Variants in DSC3 observed in about 807,000 individuals in gnomAD.
DSC3 encodes desmocollin 3.
A neutral mutation model predicts 89.5 loss-of-function variants in DSC3; 97 were observed. The ratio of observed to expected loss-of-function variants is 1.08; its 90% CI spans 0.92 to 1.28. The LOEUF is 1.28. DSC3 is among the 50% of genes most tolerant of loss of function. DSC3 has a pLI of 0.00. For missense variants in DSC3, 1,199 were observed against 1,085.3 expected (o/e 1.10, Z -1.47); for synonymous variants, 436 against 384.1 (o/e 1.14, Z -1.58).
intron 13 of DSC3, among the ~76,000 whole-genome samples, chr18:31,002,890 A>T (rs749845871): frequency 1.3e-5 from 2 of 152,160 alleles, no homozygotes; most frequent in Non-Finnish European, 2.9e-5. Flanking sequence ...AAAGCTTGAC[A>T]TATATACTAT....
chr18:31,041,933 C>G (rs577241940), intron 1 of DSC3, among the ~76,000 whole-genome samples: 1 of 152,226 alleles, frequency 6.6e-6, no homozygotes, highest in East Asian at 1.9e-4. Flanking sequence ...ACAACACGAC[C>G]CCAACCCCCA....
rs1984340498 is a variant in DSC3, at chr18:30,993,397, A to C, written c.*778T>G. ...AAGTTTAATTTATTTACAATTTTAA[A>C]CAAATTACACAAATTGGACAGGAAC... is the stretch of plus-strand genomic sequence containing the variant. On this transcript the variant is annotated 3_prime_UTR_variant, in exon 16 of 16. Transcript: ENST00000360428. The C allele has an allele frequency of 6.6e-6, 1 of 152,206 alleles. No individual in the cohort carries two copies. The highest frequency in any genetic ancestry group is 1.5e-5 in the Non-Finnish European group (1 of 68,038). The allele number at this position is 152,206 out of a possible 1,614,324, so 9.4% of individuals were successfully genotyped here. A position where few individuals can be genotyped will look rare whatever the true frequency, so the allele number is the denominator to read the frequency against.
intron 11 of DSC3, 127 bp from the exon 12 acceptor site, chr18:31,007,258 A>C (rs542475688): frequency 5.5e-4 from 374 of 680,670 alleles, no homozygotes; most frequent in Non-Finnish European, 2.2e-4. Flanking sequence ...AGGAAATGAT[A>C]AATAAATAAG....
chr18:31,040,234 T>C (rs752450780), intron 1 of DSC3, among the ~76,000 whole-genome samples: 1 of 152,120 alleles, frequency 6.6e-6, no homozygotes, highest in African/African-American at 2.4e-5. Context: ...AATGATGGAT[T>C]AGCCGTGTCC....
intron 4 of DSC3, among the ~76,000 whole-genome samples, chr18:31,028,746 T>C (rs1985682358): frequency 6.6e-6 from 1 of 152,162 alleles, no homozygotes; most frequent in Non-Finnish European, 1.5e-5. Flanking sequence ...TCTATTACCT[T>C]AATGAGAAAA....
rs1984288116 is a variant in DSC3 at position 30,992,237 on chromosome 18, G to A, written c.*1938C>T. On this transcript the variant is annotated 3_prime_UTR_variant, in exon 16 of 16. Transcript: ENST00000360428. ...ACACATAGATTTTAGGGTCAAATTAGAAAACAGAAAATGTAGGAATAAATC... is the reference window on the plus strand; with the variant it reads ...ACACATAGATTTTAGGGTCAAATTAAAAAACAGAAAATGTAGGAATAAATC... The A allele has an allele frequency of 6.8e-6, 1 of 147,296 alleles. No homozygotes were observed. Among genetic ancestry groups the A allele is most frequent in the Non-Finnish European group, 1.5e-5 (1 of 66,792 alleles). 9.1% of individuals were successfully genotyped at this position (147,296 alleles called of 1,614,324 possible).
chr18:31,042,364 C>CTT, intron 1 of DSC3, among the ~76,000 whole-genome samples: 1 of 152,334 alleles, frequency 6.6e-6, no homozygotes, highest in Middle Eastern at 3.4e-3. Flanking sequence ...TTCCAACAAT[C>CTT]GAACACCTTG....
At position 31,021,951 on chromosome 18, in the gene DSC3, T is replaced by A. The variant is rs1278726168; in HGVS notation, c.942+385A>T. 2.0e-5 allele frequency among the ~76,000 whole-genome samples: 3 copies of A among 152,072 alleles called. No homozygotes were observed. In the East Asian group the frequency reaches 5.8e-4, roughly 29 times the overall value. On this transcript the variant is annotated intron_variant, in intron 7 of 15. Transcript: ENST00000360428. ...CAACTAATCCTTTCCTCACTAAAAG[T>A]ATATATATCTATAATAATTAAAGTA...
At position 30,990,689 on chromosome 18, in the gene DSC3, T is replaced by C. The variant is rs771423314; in HGVS notation, c.*3486A>G. On this transcript the variant is annotated 3_prime_UTR_variant, in exon 16 of 16. Coordinates refer to ENST00000360428, the MANE Select transcript of DSC3 (RefSeq NM_001941.5). ...GCAGAATCAAGACTGCAATATCGCC[T>C]GCTTTTCTTTTTAACTCATGTTTTC... 5 of 152,204 alleles carry C rather than the reference T, an allele frequency of 3.3e-5. No individual in the cohort carries two copies. Among genetic ancestry groups the C allele is most frequent in the South Asian group, 2.1e-4 (1 of 4,828 alleles). 9.4% of individuals were successfully genotyped at this position (152,204 alleles called of 1,614,324 possible). A position where few individuals can be genotyped will look rare whatever the true frequency, so the allele number is the denominator to read the frequency against.
At chr18:31,000,718 T>C (rs1252401483) in intron 14 of DSC3, among the ~76,000 whole-genome samples, 3 of 152,120 alleles carry the variant, frequency 2.0e-5, no homozygotes, top group Non-Finnish European at 4.4e-5. Context: ...TTAGCTATTC[T>C]CACCGTCTCT....
chr18:31,023,508 A>T (rs1171106202), intron 6 of DSC3, among the ~76,000 whole-genome samples: 5 of 152,306 alleles, frequency 3.3e-5, no homozygotes, highest in African/African-American at 9.6e-5. Context: ...TAATTTTTTT[A>T]AATTTTTAAA....
At chr18:31,016,279 CT>C (rs760399131) in intron 9 of DSC3, among the ~76,000 whole-genome samples, 2 of 152,180 alleles carry the variant, frequency 1.3e-5, no homozygotes, top group Non-Finnish European at 2.9e-5. Flanking sequence ...CACCATTTTC[CT>C]TTGTCTGTTG....
intron 9 of DSC3, among the ~76,000 whole-genome samples, chr18:31,012,407 A>G (rs1383967399): frequency 1.3e-5 from 2 of 152,236 alleles, no homozygotes; most frequent in African/African-American, 4.8e-5. Context: ...AGCCAGAAGG[A>G]GAACAGCTCA....
chr18:31,004,276 G>T lies in DSC3; in HGVS notation c.1979C>A (p.Ala660Glu). The change falls in exon 13 of 16, where the codon GCA (alanine) becomes GAA (glutamate). Residue 660 changes from alanine to glutamate, a missense_variant. Transcript: ENST00000360428. Reference protein sequence around the residue: ...ITVKDRAGQAATKLLRVNLCE... With the variant: ...ITVKDRAGQAETKLLRVNLCE... ...CAGATTAACTCTCAATAATTTTGTT[G>T]CAGCTTGGCCGGCCCTGTCTTTTAC... The T allele has an allele frequency of 6.2e-7, 1 of 1,613,980 alleles. No individual in the cohort carries two copies. The highest frequency in any genetic ancestry group is 1.7e-4 in the Middle Eastern group (1 of 6,060).
rs767619555 is a variant in DSC3, at chr18:31,025,858, C to T, written c.532G>A (p.Val178Ile). Residue 178 changes from valine to isoleucine, a missense_variant, in exon 5 of 16, where the codon GTT becomes ATT. Physicochemically the swap from Val to Ile is conservative, Grantham distance 29. Coordinates refer to ENST00000360428, the MANE Select transcript of DSC3 (RefSeq NM_001941.5). ...TVFYSISGRG[V>I]DKEPLNLFYI... is the part of the protein sequence containing the mutation. ...AACAAATTTAAAGGTTCTTTATCAA[C>T]TCCACGTCCACTTATTGAGTAGAAG... 9 of 1,613,040 alleles carry T rather than the reference C, an allele frequency of 5.6e-6. No individual in the cohort carries two copies. Among genetic ancestry groups the T allele is most frequent in the Non-Finnish European group, 7.6e-6 (9 of 1,179,394 alleles).
intron 9 of DSC3, among the ~76,000 whole-genome samples, chr18:31,017,310 G>T (rs938730781): frequency 2.0e-5 from 3 of 152,034 alleles, no homozygotes; most frequent in African/African-American, 7.2e-5. Flanking sequence ...TACTGTTTTT[G>T]GCAGATAAGC....
intron 5 of DSC3, 78 bp from the exon 6 acceptor site, chr18:31,024,571 C>A: frequency 2.7e-6 from 4 of 1,467,126 alleles, no homozygotes; most frequent in Non-Finnish European, 3.7e-6. Flanking sequence ...CTACTACCTG[C>A]CTTGCAAATC....
At chr18:31,002,769 A>G (rs1984709514) in intron 13 of DSC3, among the ~76,000 whole-genome samples, 1 of 152,144 alleles carries the variant, frequency 6.6e-6, no homozygotes, top group Admixed American at 6.5e-5. Flanking sequence ...TACAGTCCAT[A>G]TATAATGTTC....
intron 1 of DSC3, among the ~76,000 whole-genome samples, chr18:31,032,585 TGTGTGCGTGTGCGTGTGC>T (rs771649417): frequency 4.3e-5 from 5 of 117,640 alleles, no homozygotes; most frequent in African/African-American, 1.5e-4. Context: ...TGTGTGTGTG[TGTGTGCGTGTGCGTGTGC>T]GTGTGCGTGT....
Sources: gnomAD v4.1 joint callset for allele counts (sites outside exome capture counted in the v4.1 genomes callset) on GRCh38, gnomAD v4.1.1 for gene constraint, MANE v1.5 for transcripts, NCBI Gene and HGNC (gene_info 2026-07-23, HGNC 2026-07-21) for gene names.